Variants in SLC4A4 observed in about 807,000 individuals in gnomAD.
The protein encoded by SLC4A4 is electrogenic sodium bicarbonate cotransporter 1.
A neutral mutation model predicts 111.5 loss-of-function variants in SLC4A4; 27 were observed. The ratio of observed to expected loss-of-function variants is 0.24; its 90% CI spans 0.18 to 0.33. The LOEUF is 0.33. SLC4A4 is among the 10% of genes least tolerant of loss of function. The pLI, the probability that SLC4A4 is intolerant of heterozygous loss-of-function variation, is 1.00. For missense variants in SLC4A4, 909 were observed against 1,315.5 expected (o/e 0.69, Z 4.78); for synonymous variants, 443 against 463.4 (o/e 0.96, Z 0.57).
At chr4:71,246,863 C>T (rs1300071095) in intron 2 of SLC4A4, among the ~76,000 whole-genome samples, 6 of 152,196 alleles carry the variant, frequency 3.9e-5, no homozygotes, top group East Asian at 1.9e-4. Flanking sequence ...AGTCTCTATA[C>T]GTCATTAATT....
chr4:71,081,011 G>T (rs1741981558), intron 1 of SLC4A4, among the ~76,000 whole-genome samples: 1 of 152,018 alleles, frequency 6.6e-6, no homozygotes. Context: ...CTTGGATTCT[G>T]TATCTCAGAG....
chr4:71,243,415 G>T (rs1458519276), intron 2 of SLC4A4, among the ~76,000 whole-genome samples: 1 of 152,094 alleles, frequency 6.6e-6, no homozygotes, highest in African/African-American at 2.4e-5. Context: ...AGAAATCATT[G>T]GGAGAACTGA....
chr4:71,482,092 T>G lies in SLC4A4; in HGVS notation c.1904-4856T>G, dbSNP rs537479166. On this transcript the variant is annotated intron_variant, in intron 14 of 25. Coordinates refer to ENST00000264485, the MANE Select transcript of SLC4A4 (RefSeq NM_001098484.3). ...AATTGGTTGCCAAAATATTTGCACC[T>G]GGATCCAAATGGTAACCAACGGTTC... 4.0e-5 allele frequency among the ~76,000 whole-genome samples: 6 copies of G among 151,844 alleles called. No individual in the cohort carries two copies. The South Asian group carries it at 1.2e-3, about 31-fold the overall frequency.
At chr4:71,378,488 T>G (rs903375634) in intron 6 of SLC4A4, among the ~76,000 whole-genome samples, 17 of 152,102 alleles carry the variant, frequency 1.1e-4, no homozygotes, top group African/African-American at 4.1e-4. Context: ...TTCTGAAGTA[T>G]ACTACATTAA....
chr4:71,561,385 A>T (rs752391291), intron 23 of SLC4A4, among the ~76,000 whole-genome samples: 1 of 151,844 alleles, frequency 6.6e-6, no homozygotes, highest in Non-Finnish European at 1.5e-5. Flanking sequence ...GACATATATA[A>T]GTCATTTTTC....
chr4:71,509,302 G>C (rs1219444038), intron 16 of SLC4A4, among the ~76,000 whole-genome samples: 1 of 152,178 alleles, frequency 6.6e-6, no homozygotes, highest in Non-Finnish European at 1.5e-5. Context: ...TGGAAGAGAG[G>C]AAGTCAAACT....
At chr4:71,129,168 TAAAC>T (rs773234559) in intron 2 of SLC4A4, among the ~76,000 whole-genome samples, 2 of 151,992 alleles carry the variant, frequency 1.3e-5, no homozygotes, top group African/African-American at 2.4e-5. Flanking sequence ...ATAAACAAAA[TAAAC>T]AGACAACCTG....
At chr4:71,449,523 A>G (rs1725569458) in intron 9 of SLC4A4, among the ~76,000 whole-genome samples, 1 of 152,136 alleles carries the variant, frequency 6.6e-6, no homozygotes, top group South Asian at 2.1e-4. Context: ...CACAACCCCC[A>G]GACTGTTAAA....
intron 2 of SLC4A4, among the ~76,000 whole-genome samples, chr4:71,140,729 C>T (rs7694411): frequency 0.73 from 111,590 of 152,006 alleles, 42,703 homozygotes; most frequent in Admixed American, 0.84. Context: ...ATATGACGAT[C>T]TGTTGGCTTA....
intron 1 of SLC4A4, among the ~76,000 whole-genome samples, chr4:71,189,576 C>T (rs533027245): frequency 2.6e-5 from 4 of 152,210 alleles, no homozygotes; most frequent in East Asian, 1.9e-4. Context: ...TCCCTTGTTC[C>T]GATAACAAGA....
intron 3 of SLC4A4, among the ~76,000 whole-genome samples, chr4:71,269,869 G>T (rs1429818665): frequency 1.3e-5 from 2 of 152,126 alleles, no homozygotes; most frequent in Non-Finnish European, 2.9e-5. Context: ...TTTTGATGGT[G>T]GGCAAGTAAT....
chr4:71,333,445 C>G (rs1022532477), intron 3 of SLC4A4, among the ~76,000 whole-genome samples: 6 of 152,160 alleles, frequency 3.9e-5, no homozygotes, highest in Non-Finnish European at 5.9e-5. Context: ...TCAAGTACCC[C>G]TGTGGTCATT....
In SLC4A4 at chr4:71,471,495, C is replaced by T. The variant is rs1333218271; in HGVS notation, c.1632-1204C>T. On this transcript the variant is annotated intron_variant, in intron 13 of 25. Transcript: ENST00000264485. ...GCTGGTAGAGGTGGAGAGTTGACTG[C>T]CTATGGGAAAGTTTTAAGATATATC... Among the ~76,000 whole-genome samples the T allele has an allele frequency of 2.6e-5, 4 of 151,708 alleles. No individual in the cohort carries two copies. The East Asian group carries it at 7.8e-4, about 30-fold the overall frequency.
chr4:71,526,888 T>G (rs982765696), intron 16 of SLC4A4, among the ~76,000 whole-genome samples: 1 of 152,112 alleles, frequency 6.6e-6, no homozygotes, highest in African/African-American at 2.4e-5. Flanking sequence ...TAGCCAGCAG[T>G]GGCCAGTCAA....
At position 71,462,415 on chromosome 4, in the gene SLC4A4, CTTTTTTTTTT is replaced by C. The variant is rs869306669; in HGVS notation, c.1498-4015_1498-4006del. On this transcript the variant is annotated intron_variant, in intron 12 of 25. Coordinates refer to ENST00000264485, the MANE Select transcript of SLC4A4 (RefSeq NM_001098484.3). ...AGATTATCCAGTCCAACCTCCTCATCTTTTTTTTTTTTTTTTTTTTTTTGAAACTGTCGCC... is the reference window on the plus strand; with the variant it reads ...AGATTATCCAGTCCAACCTCCTCATCTTTTTTTTTTTTTGAAACTGTCGCC... 7.4e-5 allele frequency among the ~76,000 whole-genome samples: 9 copies of C among 121,898 alleles called. No homozygotes were observed. In the East Asian group the frequency reaches 9.4e-4, roughly 13 times the overall value. 80.0% of individuals were successfully genotyped at this position (121,898 alleles called of 152,430 possible).
At chr4:71,281,282 G>T (rs1161144923) in intron 3 of SLC4A4, among the ~76,000 whole-genome samples, 1 of 152,172 alleles carries the variant, frequency 6.6e-6, no homozygotes, top group Non-Finnish European at 1.5e-5. Flanking sequence ...GCAAATTGGG[G>T]TCTGAGTCCA....
chr4:71,320,361 C>T (rs1281199473), intron 3 of SLC4A4, among the ~76,000 whole-genome samples: 2 of 151,988 alleles, frequency 1.3e-5, no homozygotes, highest in Admixed American at 6.6e-5. Context: ...TTGAAATTTG[C>T]TGCTCTGGCA....
chr4:71,300,047 C>G lies in SLC4A4; in HGVS notation c.254-39323C>G, dbSNP rs372258973. Among the ~76,000 whole-genome samples, 17 of 152,276 alleles carry G rather than the reference C, an allele frequency of 1.1e-4. No individual in the cohort carries two copies. In the East Asian group the frequency reaches 1.5e-3, roughly 14 times the overall value. The stretch of plus-strand genomic sequence containing the variant: ...AGGGCAGGAGGATGTTAAGAATTTC[C>G]TTAATCAAACCCATTTTTCATGTCT... On this transcript the variant is annotated intron_variant, in intron 3 of 25. Coordinates refer to ENST00000264485, the MANE Select transcript of SLC4A4 (RefSeq NM_001098484.3).
chr4:71,230,784 T>C (rs1719370326), intron 1 of SLC4A4, among the ~76,000 whole-genome samples: 1 of 152,118 alleles, frequency 6.6e-6, no homozygotes, highest in East Asian at 1.9e-4. Context: ...AGCTCTGGGA[T>C]TGGGTATACA....
Sources: allele counts gnomAD v4.1 joint callset (sites outside exome capture counted in the v4.1 genomes callset), GRCh38; gene constraint gnomAD v4.1.1; transcripts MANE v1.5; gene names NCBI Gene and HGNC (gene_info 2026-07-23, HGNC 2026-07-21).